Variants in TTLL12 observed in about 807,000 individuals in gnomAD.
The protein encoded by TTLL12 is tubulin tyrosine ligase like 12, also known as tubulin--tyrosine ligase-like protein 12.
A neutral mutation model predicts 79.6 loss-of-function variants in TTLL12; 77 were observed. The observed-to-expected ratio is 0.97, with a 90% CI of 0.81 to 1.17. TTLL12 has a LOEUF of 1.17. Among genes scored for constraint, TTLL12 ranks in the 50% most tolerant of loss-of-function variants. The pLI is 0.00. For missense variants in TTLL12, 969 were observed against 895.9 expected, an observed-to-expected ratio of 1.08 and a Z score of -1.04; for synonymous variants, 437 against 376.1, an observed-to-expected ratio of 1.16 and a Z score of -1.87.
chr22:43,168,025 C>G lies in TTLL12; in HGVS notation c.1918G>C (p.Val640Leu). ...GCGAGTGCCTAGACAAGGCAGGTAA[C>G]GTGGCAGCCACCGGGCTGGTCCAGA... ...LFLDQPGGCH[V>L]TCLV Residue 640 changes from valine to leucine, a missense_variant, in exon 14 of 14, where the codon GTT becomes CTT. Coordinates refer to ENST00000216129, the MANE Select transcript of TTLL12 (RefSeq NM_015140.4). 6.2e-7 allele frequency: 1 copy of G among 1,613,844 alleles called. No individual in the cohort carries two copies. The highest frequency in any genetic ancestry group is 8.5e-7 in the Non-Finnish European group (1 of 1,179,864).
chr22:43,180,620 G>T, intron 3 of TTLL12, 122 bp downstream of exon 3: 1 of 1,133,482 alleles, frequency 8.8e-7, no homozygotes, highest in Non-Finnish European at 1.3e-6. Flanking sequence ...TCCTTAGGAA[G>T]CCACAGGAGA....
At chr22:43,186,199 C>CA (rs962318904) in intron 1 of TTLL12, among the ~76,000 whole-genome samples, 4 of 148,072 alleles carry the variant, frequency 2.7e-5, no homozygotes, top group African/African-American at 9.9e-5. Flanking sequence ...ACCCCCCCCC[C>CA]CGCCAGCCCG....
At chr22:43,185,710 C>CAGGT in intron 1 of TTLL12, among the ~76,000 whole-genome samples, 1 of 152,306 alleles carries the variant, frequency 6.6e-6, no homozygotes, top group South Asian at 2.1e-4. Flanking sequence ...AGATGGAGAA[C>CAGGT]AGGTCTCAGA....
intron 5 of TTLL12, among the ~76,000 whole-genome samples, chr22:43,176,652 C>T (rs1601771872): frequency 6.7e-6 from 1 of 148,586 alleles, no homozygotes; most frequent in East Asian, 2.0e-4. Context: ...ATCGCTTGAA[C>T]CCGGGAGGCG....
intron 1 of TTLL12, among the ~76,000 whole-genome samples, chr22:43,185,648 C>T (rs547953757): frequency 1.3e-5 from 2 of 152,336 alleles, no homozygotes; most frequent in African/African-American, 4.8e-5. Flanking sequence ...CATGCCACCT[C>T]CCATCCTTCC....
chr22:43,180,651 C>T (rs1358082770), intron 3 of TTLL12, 91 bp downstream of exon 3: 64 of 1,430,432 alleles, frequency 4.5e-5, no homozygotes, highest in Non-Finnish European at 5.9e-5. Flanking sequence ...CTTGCTCTGG[C>T]CGGCCCCTCA....
chr22:43,167,141 T>C lies in TTLL12; in HGVS notation c.*867A>G, dbSNP rs1298166488. The C allele has an allele frequency of 1.9e-6, 1 of 525,596 alleles. No homozygotes were observed. The highest frequency in any genetic ancestry group is 5.5e-5 in the East Asian group (1 of 18,120). The allele number at this position is 525,596 out of a possible 1,614,324, so 32.6% of individuals were successfully genotyped here. A position where few individuals can be genotyped will look rare whatever the true frequency, so the allele number is the denominator to read the frequency against. The stretch of plus-strand genomic sequence containing the variant: ...GGTGGCATCTGACTTTAACCTGAAG[T>C]TCTCATTGGAATCCTTTTCTGTCTG... On this transcript the variant is annotated 3_prime_UTR_variant, in exon 14 of 14. Coordinates refer to ENST00000216129, the MANE Select transcript of TTLL12 (RefSeq NM_015140.4).
chr22:43,179,890 C>A lies in TTLL12; in HGVS notation c.657G>T (p.Gln219His), dbSNP rs892550157. ...GCCACAGCAGCGTGTAGGCCACCTG[C>A]TGCGGCATGTAGAAGAAGGGTGCCG... Reference protein sequence around the residue: ...FATAPFFYMPQQVAYTLLWPL... With the variant: ...FATAPFFYMPHQVAYTLLWPL... Residue 219 changes from glutamine to histidine, a missense_variant, in exon 4 of 14, where the codon CAG (glutamine) becomes CAT (histidine). Gln to His is a conservative substitution (Grantham distance 24, BLOSUM62 0). Transcript: ENST00000216129. 18 of 1,610,692 alleles carry A rather than the reference C, an allele frequency of 1.1e-5. No individual in the cohort carries two copies. Among genetic ancestry groups the A allele is most frequent in the Non-Finnish European group, 1.4e-5 (17 of 1,179,750 alleles).
intron 2 of TTLL12, 140 bp from the exon 3 acceptor site, chr22:43,181,080 C>A: frequency 2.0e-6 from 2 of 984,864 alleles, no homozygotes; most frequent in Non-Finnish European, 2.9e-6. Context: ...ATAGTTATGC[C>A]TAGTTTTGGA....
At chr22:43,173,934 T>C in intron 8 of TTLL12, 108 bp from the exon 9 acceptor site, 1 of 1,076,898 alleles carries the variant, frequency 9.3e-7, no homozygotes, top group Non-Finnish European at 1.3e-6. Flanking sequence ...CCTTGGGAGC[T>C]GAGGGGGCAC....
chr22:43,186,016 C>T (rs899282693), intron 1 of TTLL12: 3 of 985,486 alleles, frequency 3.0e-6, no homozygotes, highest in Non-Finnish European at 3.6e-6. Context: ...CAGAGAAAAA[C>T]TGGCTCAGAG....
chr22:43,170,721 G>C (rs942590416), intron 11 of TTLL12, among the ~76,000 whole-genome samples: 3 of 152,118 alleles, frequency 2.0e-5, no homozygotes, highest in Non-Finnish European at 4.4e-5. Flanking sequence ...GACAAGCCTG[G>C]GCAACATGGC....
intron 1 of TTLL12, among the ~76,000 whole-genome samples, chr22:43,185,297 A>ATATG (rs1569488247): frequency 6.5e-4 from 69 of 106,100 alleles, no homozygotes; most frequent in African/African-American, 2.1e-3. Context: ...ATATATATAT[A>ATATG]TATGTATGTA....
chr22:43,185,544 T>C (rs1238897670), intron 1 of TTLL12, among the ~76,000 whole-genome samples: 1 of 152,122 alleles, frequency 6.6e-6, no homozygotes, highest in Admixed American at 6.5e-5. Context: ...GGAAAAACAC[T>C]GGCTGCCCCT....
rs1011182874 is a variant in TTLL12 at position 43,174,668 on chromosome 22, A to T, written c.918-53T>A. 3.8e-6 allele frequency: 5 copies of T among 1,306,404 alleles called. No homozygotes were observed. In the African/African-American group the frequency reaches 7.3e-5, roughly 19 times the overall value. 80.9% of individuals were successfully genotyped at this position (1,306,404 alleles called of 1,614,324 possible). A position where few individuals can be genotyped will look rare whatever the true frequency, so the allele number is the denominator to read the frequency against. On this transcript the variant is annotated intron_variant, in intron 6 of 13. Coordinates refer to ENST00000216129, the MANE Select transcript of TTLL12 (RefSeq NM_015140.4). ...CCCGGCTCCCAAGTGTCCAAGCGGG[A>T]CTCCAGCACTAGCCCTGGCTCAGGG... is the stretch of plus-strand genomic sequence containing the variant.
chr22:43,179,253 C>T (rs1440778754), intron 5 of TTLL12, among the ~76,000 whole-genome samples: 2 of 152,144 alleles, frequency 1.3e-5, no homozygotes, highest in East Asian at 3.9e-4. Context: ...GGGAGGGAGG[C>T]ACGCGATGTG....
In TTLL12 at chr22:43,174,195, T is replaced by C; in HGVS notation, c.1229+14A>G. 1 of 1,598,674 alleles carries C rather than the reference T, an allele frequency of 6.3e-7. No homozygotes were observed. The highest frequency in any genetic ancestry group is 8.5e-7 in the Non-Finnish European group (1 of 1,179,144). On this transcript the variant is annotated intron_variant, in intron 8 of 13. Coordinates refer to ENST00000216129, the MANE Select transcript of TTLL12 (RefSeq NM_015140.4). The stretch of plus-strand genomic sequence containing the variant: ...AGGGCCATGGAGCACACCGATGCCG[T>C]GTCTGGGACTTACCACCTTTCCCGC...
chr22:43,181,673 A>G (rs1648029313), intron 2 of TTLL12, among the ~76,000 whole-genome samples: 2 of 152,334 alleles, frequency 1.3e-5, no homozygotes, highest in South Asian at 4.1e-4. Context: ...ACAGGTGCCT[A>G]ATAGACAAAG....
At chr22:43,173,222 G>A (rs1055872271) in intron 9 of TTLL12, among the ~76,000 whole-genome samples, 1 of 152,180 alleles carries the variant, frequency 6.6e-6, no homozygotes, top group Non-Finnish European at 1.5e-5. Context: ...GGCTCTGAGA[G>A]GCTCCTTGTC....
Sources: gnomAD v4.1 joint callset for allele counts (sites outside exome capture counted in the v4.1 genomes callset) on GRCh38, gnomAD v4.1.1 for gene constraint, MANE v1.5 for transcripts, NCBI Gene and HGNC (gene_info 2026-07-23, HGNC 2026-07-21) for gene names.